The following MOB3B variants were observed in gnomAD, a reference collection of about 807,000 sequenced individuals.
The protein encoded by MOB3B is MOB kinase activator-like 2B.
MOB3B carries 7 observed loss-of-function variants against 18.7 expected under a neutral mutation model. The ratio of observed to expected loss-of-function variants is 0.37; its 90% CI spans 0.21 to 0.70. The LOEUF (loss-of-function observed/expected upper bound fraction) is 0.70. Among genes scored for constraint, MOB3B ranks in the 30% least tolerant of loss-of-function variants. The pLI, the probability that MOB3B is intolerant of heterozygous loss-of-function variation, is 0.52. For missense variants in MOB3B, 253 were observed against 281.3 expected, an observed-to-expected ratio of 0.90 and a Z score of 0.72; for synonymous variants, 111 against 99.9, an observed-to-expected ratio of 1.11 and a Z score of -0.66.
chr9:27,398,452 G>T (rs1028364776), intron 2 of MOB3B, among the ~76,000 whole-genome samples: 9 of 152,188 alleles, frequency 5.9e-5, no homozygotes, highest in Admixed American at 5.9e-4. Flanking sequence ...CTGTAAGGTT[G>T]TTACTCAGAA....
chr9:27,361,308 C>A (rs546670823), intron 2 of MOB3B, among the ~76,000 whole-genome samples: 26 of 152,148 alleles, frequency 1.7e-4, no homozygotes, highest in African/African-American at 6.0e-4. Context: ...CAGAGTACAA[C>A]GCTCTCTCTT....
chr9:27,515,182 C>T (rs1725930010), intron 1 of MOB3B, among the ~76,000 whole-genome samples: 1 of 152,190 alleles, frequency 6.6e-6, no homozygotes, highest in Non-Finnish European at 1.5e-5. Flanking sequence ...CCGACTTCAT[C>T]TTGCTTTTTT....
chr9:27,419,938 A>C (rs912629769), intron 2 of MOB3B, among the ~76,000 whole-genome samples: 1 of 148,820 alleles, frequency 6.7e-6, no homozygotes, highest in African/African-American at 2.5e-5. Flanking sequence ...AATCTACAAC[A>C]AACTCAAACA....
At chr9:27,345,199 T>G (rs1332639587) in intron 3 of MOB3B, among the ~76,000 whole-genome samples, 1 of 152,238 alleles carries the variant, frequency 6.6e-6, no homozygotes, top group African/African-American at 2.4e-5. Context: ...GCTTGAAAGT[T>G]GTGGGCTTTC....
chr9:27,452,154 G>T (rs894538250), intron 2 of MOB3B, among the ~76,000 whole-genome samples: 1 of 152,174 alleles, frequency 6.6e-6, no homozygotes, highest in African/African-American at 2.4e-5. Context: ...TCATCCATGT[G>T]CTGGGCCTTT....
intron 2 of MOB3B, among the ~76,000 whole-genome samples, chr9:27,429,534 A>G (rs1822387274): frequency 6.6e-6 from 1 of 152,218 alleles, no homozygotes; most frequent in East Asian, 1.9e-4. Context: ...ACAATTAAAC[A>G]GAGGAAACAA....
chr9:27,471,239 G>C (rs886637463), intron 1 of MOB3B, among the ~76,000 whole-genome samples: 1 of 152,172 alleles, frequency 6.6e-6, no homozygotes, highest in South Asian at 2.1e-4. Flanking sequence ...AGTGGTCCAT[G>C]GGCCAAAAGT....
chr9:27,330,806 A>G (rs1167275521), intron 3 of MOB3B, among the ~76,000 whole-genome samples, 190 bp from the exon 4 acceptor site: 2 of 151,592 alleles, frequency 1.3e-5, no homozygotes, highest in Non-Finnish European at 2.9e-5. Flanking sequence ...TTTTTCCATT[A>G]AGGCACTGTT....
At chr9:27,348,496 T>C (rs1821061537) in intron 3 of MOB3B, among the ~76,000 whole-genome samples, 1 of 151,232 alleles carries the variant, frequency 6.6e-6, no homozygotes, top group South Asian at 2.1e-4. Context: ...CTACTAAAAA[T>C]AAAAAAATTA....
chr9:27,444,656 A>G (rs1822662929), intron 2 of MOB3B, among the ~76,000 whole-genome samples: 1 of 152,226 alleles, frequency 6.6e-6, no homozygotes, highest in Non-Finnish European at 1.5e-5. Context: ...AATGCAGCTT[A>G]AAAAACTCTG....
intron 2 of MOB3B, among the ~76,000 whole-genome samples, chr9:27,439,333 CATTT>C (rs1346683588): frequency 6.6e-6 from 1 of 152,182 alleles, no homozygotes; most frequent in Non-Finnish European, 1.5e-5. Flanking sequence ...CTCTAATAAT[CATTT>C]ATTTTTTTCC....
intron 2 of MOB3B, among the ~76,000 whole-genome samples, chr9:27,409,024 G>C (rs535069182): frequency 1.3e-5 from 2 of 152,278 alleles, no homozygotes; most frequent in African/African-American, 4.8e-5. Context: ...AGTACCCTGT[G>C]GGTGGTATTG....
chr9:27,460,796 C>T (rs1408060750), intron 1 of MOB3B, among the ~76,000 whole-genome samples: 2 of 152,206 alleles, frequency 1.3e-5, no homozygotes, highest in Non-Finnish European at 2.9e-5. Flanking sequence ...GGTTTAGTGT[C>T]ATCTTCATTG....
chr9:27,466,021 C>T (rs1819377963), intron 1 of MOB3B, among the ~76,000 whole-genome samples: 1 of 152,196 alleles, frequency 6.6e-6, no homozygotes, highest in South Asian at 2.1e-4. Context: ...ACATTAGGCT[C>T]CTTGCTCCTT....
intron 3 of MOB3B, among the ~76,000 whole-genome samples, chr9:27,358,525 TGA>T (rs1417851101): frequency 6.6e-6 from 1 of 152,220 alleles, no homozygotes; most frequent in African/African-American, 2.4e-5. Flanking sequence ...AAAGTCCCTA[TGA>T]GACTGTATCC....
At chr9:27,477,125 C>G (rs149540219) in intron 1 of MOB3B, among the ~76,000 whole-genome samples, 2 of 152,318 alleles carry the variant, frequency 1.3e-5, no homozygotes, top group East Asian at 3.9e-4. Flanking sequence ...TGGTTGAATA[C>G]TCCTCTGCAG....
intron 2 of MOB3B, among the ~76,000 whole-genome samples, chr9:27,404,347 CTTTTTTTTT>C (rs756275032): frequency 4.3e-4 from 32 of 75,174 alleles, no homozygotes; most frequent in African/African-American, 1.3e-3. Context: ...TTCTTTCTTT[CTTTTTTTTT>C]TTTTTTTTTT....
At chr9:27,455,040 T>C (rs1822849424) in intron 2 of MOB3B, 93 bp downstream of exon 2, 1 of 1,311,622 alleles carries the variant, frequency 7.6e-7, no homozygotes, top group African/African-American at 1.4e-5. Flanking sequence ...GATTAATGCA[T>C]GGGTGCTACC....
chr9:27,500,329 C>T (rs1270491268), intron 1 of MOB3B, among the ~76,000 whole-genome samples: 1 of 152,058 alleles, frequency 6.6e-6, no homozygotes, highest in Non-Finnish European at 1.5e-5. Flanking sequence ...ATAGAAAGCA[C>T]AAACAAGTGT....
Sources: gnomAD v4.1 joint callset for allele counts (sites outside exome capture counted in the v4.1 genomes callset) on GRCh38, gnomAD v4.1.1 for gene constraint, MANE v1.5 for transcripts, NCBI Gene and HGNC (gene_info 2026-07-23, HGNC 2026-07-21) for gene names.